CRYL1: variants seen among roughly 807,000 people sequenced by gnomAD.
The protein encoded by CRYL1 is crystallin lambda 1, also known as lambda-crystallin homolog.
A neutral mutation model predicts 36.6 loss-of-function variants in CRYL1; 29 were observed. That is an observed-to-expected ratio of 0.79 (90% CI 0.59 to 1.08). The LOEUF is 1.08. Among genes scored for constraint, CRYL1 ranks in the 50% least tolerant of loss-of-function variants. The pLI, the probability that CRYL1 is intolerant of heterozygous loss-of-function variation, is 0.00. For synonymous variants in CRYL1, 152 were observed against 151.5 expected (o/e 1.00, Z -0.02); for missense variants, 411 against 407.9 (o/e 1.01, Z -0.06).
At chr13:20,430,373 A>G in intron 5 of CRYL1, 2 of 985,334 alleles carry the variant, frequency 2.0e-6, no homozygotes, top group Non-Finnish European at 2.4e-6. Context: ...CAACACAGAG[A>G]CATATGCAGG....
chr13:20,422,204 C>T (rs1010555152), intron 5 of CRYL1, among the ~76,000 whole-genome samples: 1 of 151,852 alleles, frequency 6.6e-6, no homozygotes, highest in African/African-American at 2.4e-5. Flanking sequence ...ACTAAAAATA[C>T]AAAAAATTAG....
intron 2 of CRYL1, among the ~76,000 whole-genome samples, chr13:20,499,745 C>T (rs1379018064): frequency 6.6e-6 from 1 of 152,096 alleles, no homozygotes. Flanking sequence ...TCAATGTGTT[C>T]CAGGATTATA....
intron 5 of CRYL1, among the ~76,000 whole-genome samples, chr13:20,420,867 C>G (rs1412535612): frequency 6.6e-6 from 1 of 151,636 alleles, no homozygotes; most frequent in Non-Finnish European, 1.5e-5. Flanking sequence ...TCCCAAATAG[C>G]TGGGACTACA....
At chr13:20,421,481 C>T (rs1035592484) in intron 5 of CRYL1, among the ~76,000 whole-genome samples, 3 of 152,180 alleles carry the variant, frequency 2.0e-5, no homozygotes, top group Admixed American at 6.5e-5. Context: ...ATGCTTCCTG[C>T]CTTGATGGCC....
intron 3 of CRYL1, among the ~76,000 whole-genome samples, chr13:20,485,272 G>A (rs1266579926): frequency 6.6e-6 from 1 of 152,190 alleles, no homozygotes; most frequent in Non-Finnish European, 1.5e-5. Context: ...GCCCACATTG[G>A]CCTCCCAAAG....
chr13:20,522,898 A>T (rs2034121260), intron 1 of CRYL1, among the ~76,000 whole-genome samples: 1 of 136,996 alleles, frequency 7.3e-6, no homozygotes, highest in South Asian at 2.4e-4. Flanking sequence ...TATCTTCATG[A>T]TACCCATTTC....
At chr13:20,439,798 C>G in intron 3 of CRYL1, 44 bp from the exon 4 acceptor site, 2 of 1,565,584 alleles carry the variant, frequency 1.3e-6, no homozygotes, top group Non-Finnish European at 1.8e-6. Context: ...CCACTCGACT[C>G]AGGCCCCAAG....
intron 3 of CRYL1, among the ~76,000 whole-genome samples, chr13:20,455,680 G>A (rs542733967): frequency 6.6e-6 from 1 of 152,274 alleles, no homozygotes; most frequent in South Asian, 2.1e-4. Flanking sequence ...TCCTGAACTT[G>A]ATGTACTGAT....
intron 3 of CRYL1, among the ~76,000 whole-genome samples, chr13:20,488,261 C>T (rs942120386): frequency 1.3e-5 from 2 of 152,160 alleles, no homozygotes; most frequent in Non-Finnish European, 1.5e-5. Flanking sequence ...CCTGCAACTA[C>T]GGGTAGAAAC....
intron 3 of CRYL1, among the ~76,000 whole-genome samples, chr13:20,470,833 C>T (rs888721443): frequency 8.0e-5 from 12 of 150,150 alleles, no homozygotes; most frequent in African/African-American, 3.0e-4. Context: ...TCGCTTGAAC[C>T]CAGGAGGCAG....
At chr13:20,421,082 A>C (rs2031800687) in intron 5 of CRYL1, among the ~76,000 whole-genome samples, 1 of 151,806 alleles carries the variant, frequency 6.6e-6, no homozygotes, top group Admixed American at 6.6e-5. Context: ...AAAAATGGAA[A>C]GGAAAGAGAG....
chr13:20,429,973 G>A (rs1478995399), intron 5 of CRYL1, among the ~76,000 whole-genome samples: 1 of 152,140 alleles, frequency 6.6e-6, no homozygotes, highest in African/African-American at 2.4e-5. Context: ...GATGGTCAAG[G>A]TCAGCACCAC....
chr13:20,426,208 T>C (rs1208834758), intron 5 of CRYL1, among the ~76,000 whole-genome samples: 1 of 151,754 alleles, frequency 6.6e-6, no homozygotes, highest in Non-Finnish European at 1.5e-5. Flanking sequence ...TCATCCTCTG[T>C]GCAGTTACAA....
chr13:20,492,217 T>C (rs2033526328), intron 2 of CRYL1, among the ~76,000 whole-genome samples: 1 of 152,232 alleles, frequency 6.6e-6, no homozygotes, highest in South Asian at 2.1e-4. Flanking sequence ...CTGTGTAGTA[T>C]GTTTTGATCC....
rs1294276922 is a variant in CRYL1 at position 20,508,717 on chromosome 13, C to T, written c.149+3726G>A. 4.0e-5 allele frequency among the ~76,000 whole-genome samples: 6 copies of T among 151,488 alleles called. No individual in the cohort carries two copies. In the East Asian group the frequency reaches 7.8e-4, roughly 20 times the overall value. On this transcript the variant is annotated intron_variant, in intron 2 of 7. Coordinates refer to ENST00000298248, the MANE Select transcript of CRYL1 (RefSeq NM_015974.3). Reference sequence around the variant, plus strand: ...AAAAAAAATTAGCCGGGCGTGGTGGCGGGCGCCTGTAGTCCCAGCTACTCA... The same window carrying T: ...AAAAAAAATTAGCCGGGCGTGGTGGTGGGCGCCTGTAGTCCCAGCTACTCA...
At chr13:20,516,253 G>T (rs1324754669) in intron 1 of CRYL1, among the ~76,000 whole-genome samples, 1 of 150,872 alleles carries the variant, frequency 6.6e-6, no homozygotes, top group African/African-American at 2.4e-5. Context: ...GCTAAATGTG[G>T]TTTAAAAGTT....
At chr13:20,515,718 T>C (rs1313587241) in intron 1 of CRYL1, 1 of 152,188 alleles carries the variant, frequency 6.6e-6, no homozygotes, top group Non-Finnish European at 1.5e-5. Context: ...CGATTCCACT[T>C]ACCTGAGGTA....
intron 3 of CRYL1, among the ~76,000 whole-genome samples, chr13:20,448,507 T>C (rs1004691173): frequency 2.0e-5 from 3 of 152,196 alleles, no homozygotes; most frequent in Non-Finnish European, 4.4e-5. Flanking sequence ...TACCTAGGTA[T>C]ACCATATTCA....
intron 2 of CRYL1, among the ~76,000 whole-genome samples, chr13:20,505,359 C>CA (rs61380702): frequency 0.01 from 920 of 90,796 alleles, 22 homozygotes; most frequent in Middle Eastern, 0.025. Context: ...TCTATCCCAC[C>CA]AAAAAAAAAA....
Sources: gnomAD v4.1 joint callset for allele counts (sites outside exome capture counted in the v4.1 genomes callset) on GRCh38, gnomAD v4.1.1 for gene constraint, MANE v1.5 for transcripts, NCBI Gene and HGNC (gene_info 2026-07-23, HGNC 2026-07-21) for gene names.